Variants in CRB1 observed in about 807,000 individuals in gnomAD.
CRB1 encodes crumbs cell polarity complex component 1, also known as protein crumbs homolog 1.
CRB1 carries 83 observed loss-of-function variants against 120.0 expected under a neutral mutation model. The observed-to-expected ratio is 0.69, with a 90% CI of 0.58 to 0.83. The LOEUF is 0.83. Ranked by LOEUF, CRB1 falls within the 40% of genes least tolerant of loss-of-function variation. The pLI is 0.00. For synonymous variants in CRB1, 625 were observed against 612.5 expected, an observed-to-expected ratio of 1.02 and a Z score of -0.30; for missense variants, 1,699 against 1,687.6, an observed-to-expected ratio of 1.01 and a Z score of -0.12.
intron 9 of CRB1, chr1:197,438,048 T>C (rs1665245809): frequency 5.5e-6 from 1 of 182,216 alleles, no homozygotes; most frequent in African/African-American, 2.4e-5. Flanking sequence ...TTGGCTTGCA[T>C]TCTTCGAAGC....
At chr1:197,218,739 T>C in the CRB1 span, among the ~76,000 whole-genome samples, 87 of 152,278 alleles carry the variant, frequency 5.7e-4, no homozygotes, top group African/African-American at 1.9e-3. Flanking sequence ...AGCTAATTTA[T>C]TTTTACATTA....
At chr1:197,470,613 C>A (rs964434298) in intron 11 of CRB1, among the ~76,000 whole-genome samples, 38 of 152,234 alleles carry the variant, frequency 2.5e-4, no homozygotes, top group Middle Eastern at 3.2e-3. Flanking sequence ...TCACTTATAC[C>A]ACCTGCTTAT....
At chr1:197,433,474 A>G (rs1470197839) in intron 8 of CRB1, among the ~76,000 whole-genome samples, 1 of 152,102 alleles carries the variant, frequency 6.6e-6, no homozygotes, top group East Asian at 1.9e-4. Context: ...TGTAACCATG[A>G]AAGTGGTTTT....
At chr1:197,443,345 A>C (rs1665551615) in intron 11 of CRB1, 1 of 151,978 alleles carries the variant, frequency 6.6e-6, no homozygotes, top group South Asian at 2.1e-4. Flanking sequence ...TTCTGATTCC[A>C]TAAAACTGTC....
rs766331911 is a variant in CRB1, at chr1:197,383,595, T to C, written c.1171+26582T>C. ...AGTTAAAAGTTGAAAGAAATGTCTT[T>C]TGACAACCTGATATGCAGCTTCCTC... On this transcript the variant is annotated intron_variant, in intron 5 of 11. Coordinates refer to ENST00000367400, the MANE Select transcript of CRB1 (RefSeq NM_201253.3). 9.2e-4 allele frequency among the ~76,000 whole-genome samples: 140 copies of C among 152,192 alleles called. 2 individuals carry two copies. The highest frequency in any genetic ancestry group is 2.2e-4 in the Non-Finnish European group (15 of 68,032).
At chr1:197,252,582 A>ATGTGTGTGTGTGTGTGTG in the CRB1 span, among the ~76,000 whole-genome samples, 42 of 15,504 alleles carry the variant, frequency 2.7e-3, 1 homozygote, top group Admixed American at 6.9e-3. Context: ...ATATATATAT[A>ATGTGTGTGTGTGTGTGTG]TGTGTGTGTG....
At chr1:197,222,182 C>T in the CRB1 span, 200 of 427,752 alleles carry the variant, frequency 4.7e-4, 1 homozygote, top group African/African-American at 3.7e-4. Flanking sequence ...CCTGCCGGCC[C>T]GCTCCTTGTT....
At chr1:197,407,188 T>C (rs1467628722) in intron 5 of CRB1, among the ~76,000 whole-genome samples, 1 of 152,202 alleles carries the variant, frequency 6.6e-6, no homozygotes, top group Non-Finnish European at 1.5e-5. Flanking sequence ...AGACAAAATA[T>C]GGAGGAAAAT....
the CRB1 span, among the ~76,000 whole-genome samples, chr1:197,213,363 A>T: frequency 6.6e-6 from 1 of 152,218 alleles, no homozygotes; most frequent in East Asian, 1.9e-4. Context: ...ATATCCTGGC[A>T]TTTGGGGGAG....
chr1:197,275,160 G>A (rs10754220), intron 1 of CRB1, among the ~76,000 whole-genome samples: 33,849 of 151,764 alleles, frequency 0.22, 4,217 homozygotes, highest in Middle Eastern at 0.29. Context: ...TTATAAGGAC[G>A]TCAGTCATAT....
the CRB1 span, among the ~76,000 whole-genome samples, chr1:197,250,384 A>G: frequency 6.6e-6 from 1 of 151,998 alleles, no homozygotes; most frequent in Non-Finnish European, 1.5e-5. Flanking sequence ...AAATCTTTTC[A>G]TAAGACCTGT....
chr1:197,318,431 T>G (rs1400600642), intron 1 of CRB1, among the ~76,000 whole-genome samples: 1 of 152,172 alleles, frequency 6.6e-6, no homozygotes, highest in African/African-American at 2.4e-5. Context: ...TGGAAAATAT[T>G]AATAGTTTAG....
At chr1:197,411,384 C>T (rs1399300344) in intron 5 of CRB1, among the ~76,000 whole-genome samples, 2 of 152,094 alleles carry the variant, frequency 1.3e-5, no homozygotes, top group Admixed American at 6.5e-5. Context: ...GGCTGCTGTA[C>T]ATTATGTAAG....
chr1:197,344,834 T>C (rs867069876), intron 3 of CRB1, among the ~76,000 whole-genome samples: 2 of 152,348 alleles, frequency 1.3e-5, no homozygotes, highest in African/African-American at 4.8e-5. Context: ...GTCAAGGATA[T>C]AAATCAGATG....
chr1:197,363,984 C>T (rs1660925901), intron 5 of CRB1: 6 of 1,374,794 alleles, frequency 4.4e-6, no homozygotes, highest in Non-Finnish European at 6.2e-6. Context: ...AGAGGGAAAG[C>T]TATGAAAAGT....
chr1:197,447,144 C>G (rs908887193), intron 11 of CRB1, among the ~76,000 whole-genome samples: 7 of 152,302 alleles, frequency 4.6e-5, no homozygotes, highest in African/African-American at 1.4e-4. Flanking sequence ...TCTCACAAGA[C>G]AGCATTCAAG....
chr1:197,426,504 G>A (rs946789486), intron 6 of CRB1, among the ~76,000 whole-genome samples: 4 of 152,130 alleles, frequency 2.6e-5, no homozygotes, highest in African/African-American at 9.7e-5. Context: ...ATGTAAGCTT[G>A]ATGAGGATGG....
rs187937543 is a variant in CRB1 at position 197,438,544 on chromosome 1, T to C, written c.3750-3T>C. ...GCTGTGGCTCTTGCTTTTATCTCTC[T>C]AGACAGAGCAGATTACCCTCAACAG... On this transcript the variant is annotated splice_region_variant and splice_polypyrimidine_tract_variant and intron_variant, in intron 9 of 11. Coordinates refer to ENST00000367400, the MANE Select transcript of CRB1 (RefSeq NM_201253.3). 1.1e-3 allele frequency: 1,763 copies of C among 1,612,034 alleles called. 2 individuals carry two copies. The highest frequency in any genetic ancestry group is 1.4e-3 in the Non-Finnish European group (1,649 of 1,178,466).
intron 11 of CRB1, among the ~76,000 whole-genome samples, chr1:197,461,532 G>A (rs536628555): frequency 2.0e-5 from 3 of 152,184 alleles, no homozygotes; most frequent in Non-Finnish European, 2.9e-5. Context: ...TGTGACAGAA[G>A]AGTAGGCTGC....
Sources: gnomAD v4.1 joint callset for allele counts (sites outside exome capture counted in the v4.1 genomes callset) on GRCh38, gnomAD v4.1.1 for gene constraint, MANE v1.5 for transcripts, NCBI Gene and HGNC (gene_info 2026-07-23, HGNC 2026-07-21) for gene names.